The following CDK14 variants were observed in gnomAD, a reference collection of about 807,000 sequenced individuals.
CDK14 encodes the protein cyclin dependent kinase 14.
CDK14 carries 34 observed loss-of-function variants against 60.7 expected under a neutral mutation model. The observed-to-expected ratio is 0.56, with a 90% CI of 0.43 to 0.75. CDK14 has a LOEUF of 0.75. CDK14 is among the 30% of genes least tolerant of loss of function. The probability of loss-of-function intolerance (pLI) is 0.00; values close to 1 mark genes in which losing one functional copy is unlikely to be tolerated. For synonymous variants in CDK14, 197 were observed against 203.7 expected, an observed-to-expected ratio of 0.97 and a Z score of 0.28; for missense variants, 482 against 564.1, an observed-to-expected ratio of 0.85 and a Z score of 1.47.
At chr7:90,868,563 A>T (rs1791264530) in intron 6 of CDK14, among the ~76,000 whole-genome samples, 1 of 152,118 alleles carries the variant, frequency 6.6e-6, no homozygotes, top group Non-Finnish European at 1.5e-5. Flanking sequence ...TTGTGCTATA[A>T]ACTAGTGAAA....
In CDK14 at chr7:90,722,141, C is replaced by T. The variant is rs561634775; in HGVS notation, c.124-4426C>T. On this transcript the variant is annotated intron_variant, in intron 2 of 14. Transcript: ENST00000380050. ...CCCTCTTCTCCCTTCTCCCCTCTTACCCCTCTTCCCCCTTTTCCATTTTCT... is the reference window on the plus strand; with the variant it reads ...CCCTCTTCTCCCTTCTCCCCTCTTATCCCTCTTCCCCCTTTTCCATTTTCT... Among the ~76,000 whole-genome samples, 17 of 151,238 alleles carry T rather than the reference C, an allele frequency of 1.1e-4. No homozygotes were observed. The South Asian group carries it at 3.2e-3, about 28-fold the overall frequency.
At chr7:91,044,153 G>C (rs908051576) in intron 10 of CDK14, among the ~76,000 whole-genome samples, 6 of 151,516 alleles carry the variant, frequency 4.0e-5, no homozygotes, top group Admixed American at 3.9e-4. Context: ...GCTGCAGCTG[G>C]GTTTTATGCA....
At chr7:90,897,775 T>C (rs1792383631) in intron 6 of CDK14, among the ~76,000 whole-genome samples, 1 of 152,090 alleles carries the variant, frequency 6.6e-6, no homozygotes, top group African/African-American at 2.4e-5. Context: ...ATTTTAATCA[T>C]ATTTTAGGTT....
chr7:90,960,016 G>T lies in CDK14; in HGVS notation c.947+4199G>T, dbSNP rs185584689. On this transcript the variant is annotated intron_variant, in intron 9 of 14. Coordinates refer to ENST00000380050, the MANE Select transcript of CDK14 (RefSeq NM_001287135.2). Reference sequence around the variant, plus strand: ...ATTGCTAAGCTTCTAAACCAAAAAGGCTTACTAAGTTTTGAAAGCCACATT... The same window carrying T: ...ATTGCTAAGCTTCTAAACCAAAAAGTCTTACTAAGTTTTGAAAGCCACATT... Among the ~76,000 whole-genome samples the T allele has an allele frequency of 2.3e-3, 354 of 152,196 alleles. 1 individual carries two copies. Among genetic ancestry groups the T allele is most frequent in the African/African-American group, 7.9e-3 (330 of 41,534 alleles).
chr7:90,628,590 G>A (rs1777045366), intron 2 of CDK14, among the ~76,000 whole-genome samples: 1 of 152,106 alleles, frequency 6.6e-6, no homozygotes, highest in South Asian at 2.1e-4. Flanking sequence ...GGAGGCTGAT[G>A]TAGGAGGATC....
chr7:90,871,026 A>G lies in CDK14; in HGVS notation c.639+7757A>G, dbSNP rs144701691. 7.0e-3 allele frequency among the ~76,000 whole-genome samples: 1,071 copies of G among 152,238 alleles called. 10 individuals are homozygous for G. Among genetic ancestry groups the G allele is most frequent in the South Asian group, 0.012 (58 of 4,808 alleles). On this transcript the variant is annotated intron_variant, in intron 6 of 14. Transcript: ENST00000380050. ...GAACCACTTTGTCCAAAGCATGTTG[A>G]TCAATGAATTGACATCATCATGGAG...
intron 5 of CDK14, among the ~76,000 whole-genome samples, chr7:90,862,888 T>C (rs1231828117): frequency 6.6e-6 from 1 of 152,148 alleles, no homozygotes; most frequent in Non-Finnish European, 1.5e-5. Context: ...AATGAAAACC[T>C]TGTTTTTCTG....
chr7:90,729,694 C>T (rs969799869), intron 3 of CDK14, among the ~76,000 whole-genome samples: 2 of 151,604 alleles, frequency 1.3e-5, no homozygotes, highest in Non-Finnish European at 2.9e-5. Context: ...TGTGTGGGAA[C>T]TGCTTTGCTT....
chr7:91,060,679 GA>G (rs1562887671), intron 11 of CDK14, among the ~76,000 whole-genome samples: 1 of 152,114 alleles, frequency 6.6e-6, no homozygotes, highest in African/African-American at 2.4e-5. Flanking sequence ...GGCTGGATAT[GA>G]AATTCTGGTT....
At chr7:90,968,232 G>A (rs2117616807) in intron 9 of CDK14, among the ~76,000 whole-genome samples, 1 of 152,186 alleles carries the variant, frequency 6.6e-6, no homozygotes, top group Admixed American at 6.5e-5. Flanking sequence ...TTCTTCAAAT[G>A]TTGTATCCTT....
chr7:90,842,427 C>A (rs1267671018), intron 5 of CDK14, among the ~76,000 whole-genome samples: 1 of 152,064 alleles, frequency 6.6e-6, no homozygotes, highest in Non-Finnish European at 1.5e-5. Context: ...GAATGTGCAC[C>A]AGAAAGTGAT....
intron 14 of CDK14, among the ~76,000 whole-genome samples, chr7:91,152,179 C>T (rs897328068): frequency 3.3e-5 from 5 of 152,236 alleles, no homozygotes; most frequent in African/African-American, 7.2e-5. Context: ...CTTTTGGTCT[C>T]CATAGAAACA....
chr7:91,114,779 A>G (rs1336282872), intron 13 of CDK14, among the ~76,000 whole-genome samples: 2 of 152,186 alleles, frequency 1.3e-5, no homozygotes, highest in African/African-American at 2.4e-5. Flanking sequence ...CAGTTGCAAG[A>G]AAGGACAATC....
At chr7:90,783,412 C>T (rs1265249932) in intron 4 of CDK14, among the ~76,000 whole-genome samples, 1 of 152,082 alleles carries the variant, frequency 6.6e-6, no homozygotes, top group African/African-American at 2.4e-5. Flanking sequence ...TGTTCTGAAG[C>T]ATTTCCCAAT....
chr7:90,712,887 G>T (rs1263626539), intron 2 of CDK14, among the ~76,000 whole-genome samples: 2 of 152,068 alleles, frequency 1.3e-5, no homozygotes, highest in African/African-American at 4.8e-5. Context: ...TACAGAGTCA[G>T]AGACTCTTAG....
At chr7:90,696,598 C>G (rs1801664621) in intron 2 of CDK14, among the ~76,000 whole-genome samples, 1 of 152,124 alleles carries the variant, frequency 6.6e-6, no homozygotes. Flanking sequence ...TTTAAGATTC[C>G]TATTATGTAT....
intron 2 of CDK14, among the ~76,000 whole-genome samples, chr7:90,690,365 G>A (rs554155918): frequency 6.6e-6 from 1 of 152,190 alleles, no homozygotes; most frequent in South Asian, 2.1e-4. Context: ...CCTTTTTAGT[G>A]CCCCAGGTTT....
intron 3 of CDK14, among the ~76,000 whole-genome samples, chr7:90,729,357 T>G (rs1280363504): frequency 5.3e-5 from 7 of 131,790 alleles, no homozygotes; most frequent in African/African-American, 2.1e-4. Context: ...TTTTTTTTTT[T>G]TTTTTTTTTT....
intron 5 of CDK14, among the ~76,000 whole-genome samples, chr7:90,811,654 A>G (rs982697658): frequency 1.3e-5 from 2 of 151,888 alleles, no homozygotes; most frequent in African/African-American, 4.8e-5. Context: ...GCACAGCAAA[A>G]GAAACTATCA....
Sources: allele counts gnomAD v4.1 joint callset (sites outside exome capture counted in the v4.1 genomes callset), GRCh38; gene constraint gnomAD v4.1.1; transcripts MANE v1.5; gene names NCBI Gene and HGNC (gene_info 2026-07-23, HGNC 2026-07-21).